The following RRP36 variants were observed in gnomAD, a reference collection of about 807,000 sequenced individuals.
RRP36 encodes ribosomal RNA processing protein 36 homolog.
In RRP36, 44 loss-of-function variants were observed where a neutral mutation model predicts 39.8. The observed-to-expected ratio is 1.10, with a 90% confidence interval of 0.87 to 1.42. The LOEUF (loss-of-function observed/expected upper bound fraction) is 1.42, where lower values mean the gene tolerates loss of function less well. Among genes scored for constraint, RRP36 ranks in the 40% most tolerant of loss-of-function variants. The probability of loss-of-function intolerance (pLI) is 0.00; values close to 1 mark genes in which losing one functional copy is unlikely to be tolerated. For missense variants in RRP36, 316 were observed against 322.4 expected, an observed-to-expected ratio of 0.98 and a Z score of 0.15; for synonymous variants, 124 against 123.1, an observed-to-expected ratio of 1.01 and a Z score of -0.05.
At chr6:43,026,536 G>A (rs1762815982) in intron 4 of RRP36, among the ~76,000 whole-genome samples, 1 of 151,674 alleles carries the variant, frequency 6.6e-6, no homozygotes, top group Non-Finnish European at 1.5e-5. Context: ...AGCCAAGTGT[G>A]GTGTTGCATG....
At position 43,025,306 on chromosome 6, in the gene RRP36, C is replaced by T. The variant is rs755046273; in HGVS notation, c.322C>T (p.Gln108Ter). 6.2e-7 allele frequency: 1 copy of T among 1,613,876 alleles called. No homozygotes were observed. Among genetic ancestry groups the T allele is most frequent in the South Asian group, 1.1e-5 (1 of 91,052 alleles). Reference protein sequence around the residue: ...SAKIRVPFLRQVVPISKKVAR... With the variant: ...SAKIRVPFLR ...CAAGATCCGAGTACCATTTTTACGT[C>T]AGGTTGTTCCCATTAGTAAAAAGGT... is the stretch of plus-strand genomic sequence containing the variant. The change falls in exon 3 of 7, where the codon CAG becomes TAG. Residue 108 changes from glutamine (Q) to a stop codon, truncating the protein, a stop_gained. Transcript: ENST00000244496. LOFTEE classifies it high-confidence loss of function.
At chr6:43,024,102 C>T (rs1429701260) in intron 1 of RRP36, among the ~76,000 whole-genome samples, 1 of 152,124 alleles carries the variant, frequency 6.6e-6, no homozygotes, top group African/African-American at 2.4e-5. Context: ...GATTGATCTG[C>T]CTCAGCCTCC....
rs1379452716 is a variant in RRP36 at position 43,026,072 on chromosome 6, G to A, written c.381G>A (p.Gly127=). 1.2e-6 allele frequency: 2 copies of A among 1,613,826 alleles called. No homozygotes were observed. Among genetic ancestry groups the A allele is most frequent in the South Asian group, 2.2e-5 (2 of 91,060 alleles). ...ARDPRFDDLS[G]EYNPEVFDKT... The stretch of plus-strand genomic sequence containing the variant: ...ACCCTCGCTTTGATGATCTGTCAGG[G>A]GAATATAATCCTGAGGTGTTTGACA... The change falls in exon 4 of 7, where the codon GGG becomes GGA. Residue 127 remains glycine, a synonymous_variant. Transcript: ENST00000244496.
Position 43,021,706 on chromosome 6 carries a change from C to T in RRP36, c.52C>T (p.Arg18Cys), listed in dbSNP as rs1371022659. The change falls in exon 1 of 7, where the codon CGT (arginine) becomes TGT (cysteine). Residue 18 changes from arginine (R) to cysteine (C), a missense_variant. Transcript: ENST00000244496. Reference sequence around the variant, plus strand: ...GGCCGGGGCCGGGGCCGGGGCCCGACGTCCCCGCGGGGCCCGGGACCGCGA... The same window carrying T: ...GGCCGGGGCCGGGGCCGGGGCCCGATGTCCCCGCGGGGCCCGGGACCGCGA... ...AGAGAGAGAR[R>C]PRGARDREED... is the part of the protein sequence containing the mutation. 2 of 1,191,688 alleles carry T rather than the reference C, an allele frequency of 1.7e-6. No individual in the cohort carries two copies. The highest frequency in any genetic ancestry group is 2.1e-6 in the Non-Finnish European group (2 of 960,612). The allele number at this position is 1,191,688 out of a possible 1,614,324, so 73.8% of individuals were successfully genotyped here. A position where few individuals can be genotyped will look rare whatever the true frequency, so the allele number is the denominator to read the frequency against.
chr6:43,027,258 T>C lies in RRP36; in HGVS notation c.525+6T>C. Reference sequence around the variant, plus strand: ...AGCAACTGCTTCAGCGAATGGTGAGTGGGTAATAATTGTGGTGGGTAATGA... The same window carrying C: ...AGCAACTGCTTCAGCGAATGGTGAGCGGGTAATAATTGTGGTGGGTAATGA... On this transcript the variant is annotated splice_donor_region_variant and intron_variant, in intron 5 of 6. Coordinates refer to ENST00000244496, the MANE Select transcript of RRP36 (RefSeq NM_033112.4). 1 of 1,613,680 alleles carries C rather than the reference T, an allele frequency of 6.2e-7. No individual in the cohort carries two copies. Among genetic ancestry groups the C allele is most frequent in the Non-Finnish European group, 8.5e-7 (1 of 1,179,774 alleles).
In RRP36 at chr6:43,029,527, T is replaced by C. The variant is rs547572768; in HGVS notation, c.*299T>C. ...GAAGAAGAGGGGCCAATGAAAACCA[T>C]GGAGTCTGTTCGTGACTCCCAGGGC... On this transcript the variant is annotated 3_prime_UTR_variant, in exon 7 of 7. Transcript: ENST00000244496. The C allele has an allele frequency of 7.0e-6, 2 of 287,452 alleles. No homozygotes were observed. The highest frequency in any genetic ancestry group is 1.1e-4 in the South Asian group (1 of 9,448). The allele number at this position is 287,452 out of a possible 1,614,324, so 17.8% of individuals were successfully genotyped here.
In RRP36 at chr6:43,024,975, A is replaced by G. The variant is rs761524703; in HGVS notation, c.131-10A>G. 2 of 1,613,412 alleles carry G rather than the reference A, an allele frequency of 1.2e-6. No homozygotes were observed. Among genetic ancestry groups the G allele is most frequent in the South Asian group, 2.2e-5 (2 of 91,070 alleles). On this transcript the variant is annotated splice_polypyrimidine_tract_variant and intron_variant, in intron 1 of 6. Transcript: ENST00000244496. ...TGAGCTGAGTTGTATGTCCCTCCCCACTTCCACAGGCACATCTAACATGTC... is the reference window on the plus strand; with the variant it reads ...TGAGCTGAGTTGTATGTCCCTCCCCGCTTCCACAGGCACATCTAACATGTC...
At position 43,029,133 on chromosome 6, in the gene RRP36, C is replaced by G. The variant is rs749063179; in HGVS notation, c.685C>G (p.Leu229Val). The change falls in exon 7 of 7, where the codon CTG (leucine) becomes GTG (valine). Residue 229 changes from leucine (L) to valine (V), a missense_variant. Leu to Val is a conservative substitution (Grantham distance 32). Transcript: ENST00000244496. ...QLALAEKFKELKRSKKLENFL... is the reference protein window; with the variant it reads ...QLALAEKFKEVKRSKKLENFL... ...GGCACTAGCTGAGAAGTTCAAGGAG[C>G]TGAAACGCAGCAAGAAATTGGAGAA... 3 of 1,614,232 alleles carry G rather than the reference C, an allele frequency of 1.9e-6. No homozygotes were observed. The Admixed American group carries it at 5.0e-5, about 27-fold the overall frequency.
chr6:43,027,962 T>C lies in RRP36; in HGVS notation c.643+485T>C, dbSNP rs564430164. ...TTGGTCTACACTGCACACACACACA[T>C]GCACACACGCTGGGCCAGGCACATA... On this transcript the variant is annotated intron_variant, in intron 6 of 6. Coordinates refer to ENST00000244496, the MANE Select transcript of RRP36 (RefSeq NM_033112.4). Among the ~76,000 whole-genome samples the C allele has an allele frequency of 2.6e-5, 4 of 152,122 alleles. No homozygotes were observed. In the South Asian group the frequency reaches 6.2e-4, roughly 24 times the overall value.
intron 1 of RRP36, among the ~76,000 whole-genome samples, chr6:43,024,136 G>A (rs748926842): frequency 2.6e-5 from 4 of 152,136 alleles, no homozygotes; most frequent in African/African-American, 4.8e-5. Context: ...TTACAGGCGT[G>A]AGCCACCACA....
intron 1 of RRP36, among the ~76,000 whole-genome samples, chr6:43,022,563 C>T (rs1370674216): frequency 7.3e-5 from 11 of 149,812 alleles, no homozygotes; most frequent in Admixed American, 1.3e-4. Context: ...GCAGGCGCGT[C>T]ACCACGCCTG....
chr6:43,028,271 A>C (rs1762854085), intron 6 of RRP36, among the ~76,000 whole-genome samples: 2 of 152,222 alleles, frequency 1.3e-5, no homozygotes, highest in East Asian at 3.9e-4. Context: ...TGGAGGTTGC[A>C]GAAAGCCTAG....
chr6:43,024,331 T>A (rs1364244498), intron 1 of RRP36, among the ~76,000 whole-genome samples: 1 of 151,678 alleles, frequency 6.6e-6, no homozygotes, highest in East Asian at 1.9e-4. Flanking sequence ...AGGAGACACA[T>A]TGAGAGGAGT....
rs1424627594 is a variant in RRP36 at position 43,029,105 on chromosome 6, G to T, written c.657G>T (p.Gln219His). Reference protein sequence around the residue: ...PYFLKKSEQRQLALAEKFKEL... With the variant: ...PYFLKKSEQRHLALAEKFKEL... ...CCTGTCATTTAGCTGAGCAGCGCCA[G>T]TTGGCACTAGCTGAGAAGTTCAAGG... is the stretch of plus-strand genomic sequence containing the variant. Residue 219 changes from glutamine to histidine, a missense_variant, in exon 7 of 7, where the codon CAG becomes CAT. Coordinates refer to ENST00000244496, the MANE Select transcript of RRP36 (RefSeq NM_033112.4). The T allele has an allele frequency of 6.2e-7, 1 of 1,614,144 alleles. No homozygotes were observed. The highest frequency in any genetic ancestry group is 2.2e-5 in the East Asian group (1 of 44,902).
chr6:43,023,649 G>A (rs190521998), intron 1 of RRP36, among the ~76,000 whole-genome samples: 76 of 152,050 alleles, frequency 5.0e-4, no homozygotes, highest in East Asian at 2.1e-3. Flanking sequence ...CCGAGATCGC[G>A]CCACTGCACT....
chr6:43,025,167 C>G, intron 2 of RRP36, 35 bp downstream of exon 2: 1 of 1,613,460 alleles, frequency 6.2e-7, no homozygotes, highest in Non-Finnish European at 8.5e-7. Flanking sequence ...TGGAAGATAA[C>G]TGGGACCTTG....
intron 1 of RRP36, among the ~76,000 whole-genome samples, chr6:43,022,408 A>G (rs946916536): frequency 1.3e-5 from 2 of 151,174 alleles, no homozygotes; most frequent in Non-Finnish European, 2.9e-5. Context: ...TGTTTTTTAA[A>G]TTTTTTATAT....
Position 43,027,179 on chromosome 6 carries a change from T to C in RRP36, c.452T>C (p.Leu151Pro), listed in dbSNP as rs1762827108. 1.9e-6 allele frequency: 3 copies of C among 1,613,848 alleles called. No individual in the cohort carries two copies. The highest frequency in any genetic ancestry group is 2.5e-6 in the Non-Finnish European group (3 of 1,179,776). Residue 151 changes from leucine to proline, a missense_variant and splice_region_variant, in exon 5 of 7, where the codon CTT (leucine) becomes CCT (proline). Leu to Pro is a moderately conservative substitution (Grantham distance 98, BLOSUM62 -3). Transcript: ENST00000244496. The stretch of plus-strand genomic sequence containing the variant: ...TGATACTCATTTTCCAATGTGGAGC[T>C]TGTGAAAAAACAGTTGAAGAAGCAC... Reference protein sequence around the residue: ...LNDIRAKEKELVKKQLKKHLS... With the variant: ...LNDIRAKEKEPVKKQLKKHLS...
At chr6:43,026,556 C>T (rs1409513483) in intron 4 of RRP36, among the ~76,000 whole-genome samples, 1 of 151,354 alleles carries the variant, frequency 6.6e-6, no homozygotes, top group Non-Finnish European at 1.5e-5. Flanking sequence ...GCCTATAGTC[C>T]CAGCTACTCA....
Sources: allele counts gnomAD v4.1 joint callset (sites outside exome capture counted in the v4.1 genomes callset), GRCh38; gene constraint gnomAD v4.1.1; transcripts MANE v1.5; gene names NCBI Gene and HGNC (gene_info 2026-07-23, HGNC 2026-07-21).